PDE10A: variants seen among roughly 807,000 people sequenced by gnomAD.
PDE10A encodes the protein phosphodiesterase 10A.
Under a neutral mutation model 97.7 loss-of-function variants are expected in PDE10A, and 39 were observed. The ratio of observed to expected loss-of-function variants is 0.40; its 90% CI spans 0.31 to 0.52. The LOEUF (loss-of-function observed/expected upper bound fraction) is 0.52. Ranked by LOEUF, PDE10A falls within the 20% of genes least tolerant of loss-of-function variation. PDE10A has a pLI of 0.56. For synonymous variants in PDE10A, 371 were observed against 376.8 expected (o/e 0.98, Z 0.18); for missense variants, 731 against 1,047.8 (o/e 0.70, Z 4.17).
At chr6:165,972,980 C>T (rs1381693750) in intron 1 of PDE10A, among the ~76,000 whole-genome samples, 1 of 152,088 alleles carries the variant, frequency 6.6e-6, no homozygotes, top group African/African-American at 2.4e-5. Flanking sequence ...TTCTCCCCTT[C>T]CCCTCACCGT....
chr6:165,379,196 A>C lies in PDE10A; in HGVS notation c.2781T>G (p.His927Gln). 1 of 1,595,800 alleles carries C rather than the reference A, an allele frequency of 6.3e-7. No homozygotes were observed. The highest frequency in any genetic ancestry group is 8.5e-7 in the Non-Finnish European group (1 of 1,170,944). Residue 927 changes from histidine (H) to glutamine (Q), a missense_variant and splice_region_variant, in exon 18 of 22, where the codon CAT becomes CAG. His to Gln is a conservative substitution (Grantham distance 24). Around this residue, in one of 8 missense-constraint regions of PDE10A, gnomAD observed 96 missense variants for 156.7 expected, o/e 0.61. Coordinates refer to ENST00000539869, the MANE Select transcript of PDE10A (RefSeq NM_001385079.1). ...AAGCTTTTAAAAATTATTTTTACCTATGTGATTGATTATTAAGGTTTAGTG... is the reference window on the plus strand; with the variant it reads ...AAGCTTTTAAAAATTATTTTTACCTCTGTGATTGATTATTAAGGTTTAGTG... ...TGSLNLNNQS[H>Q]RDRVIGLMMT...
chr6:165,421,497 A>G (rs1583250736), intron 10 of PDE10A, among the ~76,000 whole-genome samples: 1 of 152,232 alleles, frequency 6.6e-6, no homozygotes, highest in Non-Finnish European at 1.5e-5. Context: ...AAACTTTAGT[A>G]AAATGGAATA....
intron 1 of PDE10A, among the ~76,000 whole-genome samples, chr6:165,905,409 ATC>A (rs1374323581): frequency 9.9e-5 from 15 of 152,272 alleles, no homozygotes; most frequent in African/African-American, 3.6e-4. Context: ...AAAAATCTCG[ATC>A]TTTTATATGT....
In PDE10A at chr6:165,819,965, C is replaced by T. The variant is rs1205876095; in HGVS notation, c.-615+167564G>A. ...ATTTTTCAAAATCTGTTGTTAAACT[C>T]CTTAAACTCAAGTTAGTAATATAAA... On this transcript the variant is annotated intron_variant, in intron 1 of 19. Transcript: ENST00000366882. This position sits in a 1 kb window ranked among gnomAD's most constrained non-coding sequence, Gnocchi z 4.2. Among the ~76,000 whole-genome samples the T allele has an allele frequency of 6.6e-6, 1 of 152,084 alleles. No homozygotes were observed. The highest frequency in any genetic ancestry group is 1.5e-5 in the Non-Finnish European group (1 of 68,022).
At chr6:165,363,237 C>T (rs1000777529) in intron 18 of PDE10A, among the ~76,000 whole-genome samples, 1 of 152,250 alleles carries the variant, frequency 6.6e-6, no homozygotes, top group Admixed American at 6.5e-5. Context: ...AAGAAATGGG[C>T]CAGGTGCCAT....
chr6:165,674,564 T>C (rs1291778490), intron 1 of PDE10A, among the ~76,000 whole-genome samples: 1 of 152,152 alleles, frequency 6.6e-6, no homozygotes, highest in African/African-American at 2.4e-5. Flanking sequence ...CTCCTGGTGT[T>C]TTTATGAGGA....
chr6:165,817,046 G>C (rs1779437434), intron 1 of PDE10A, among the ~76,000 whole-genome samples: 1 of 152,138 alleles, frequency 6.6e-6, no homozygotes, highest in Admixed American at 6.5e-5. Flanking sequence ...CAAAAACCTA[G>C]AGGAAAAAGC....
At chr6:165,668,752 AAAGGAAGG>A (rs982523358) in intron 1 of PDE10A, among the ~76,000 whole-genome samples, 2 of 125,668 alleles carry the variant, frequency 1.6e-5, no homozygotes, top group South Asian at 6.4e-4. Flanking sequence ...ACAGAAAGAG[AAAGGAAGG>A]AAGGAAGGTA....
chr6:165,586,185 T>C (rs1785902040), intron 1 of PDE10A, among the ~76,000 whole-genome samples: 1 of 152,206 alleles, frequency 6.6e-6, no homozygotes, highest in Admixed American at 6.5e-5. Flanking sequence ...GACCTGGGTC[T>C]CAGTCTTCCA....
At chr6:165,868,119 A>T (rs775805045) in intron 1 of PDE10A, among the ~76,000 whole-genome samples, 17 of 152,120 alleles carry the variant, frequency 1.1e-4, no homozygotes, top group Non-Finnish European at 2.1e-4. Context: ...TAACTAGAAA[A>T]GGAAGAACAA....
intron 1 of PDE10A, among the ~76,000 whole-genome samples, chr6:165,836,820 T>A (rs964015867): frequency 3.3e-5 from 5 of 151,996 alleles, no homozygotes; most frequent in African/African-American, 1.2e-4. Flanking sequence ...AATGATAGAC[T>A]GGATTAAGAA....
intron 1 of PDE10A, among the ~76,000 whole-genome samples, chr6:165,599,452 T>A (rs1025810326): frequency 1.8e-4 from 27 of 152,322 alleles, no homozygotes; most frequent in Non-Finnish European, 3.8e-4. Context: ...GTGTTAGTTT[T>A]CATTTTCTCA....
chr6:165,651,917 A>G (rs1789706142), intron 1 of PDE10A, among the ~76,000 whole-genome samples: 1 of 152,164 alleles, frequency 6.6e-6, no homozygotes, highest in African/African-American at 2.4e-5. Context: ...TGCTTCTCCT[A>G]AATGAAATGA....
At chr6:165,804,094 C>T (rs571410646) in intron 1 of PDE10A, among the ~76,000 whole-genome samples, 3 of 152,294 alleles carry the variant, frequency 2.0e-5, no homozygotes, top group African/African-American at 7.2e-5. Flanking sequence ...CGGGAAGGAA[C>T]CCGTCCTTAA....
chr6:165,851,373 C>G (rs1365842587), intron 1 of PDE10A, among the ~76,000 whole-genome samples: 1 of 152,196 alleles, frequency 6.6e-6, no homozygotes, highest in East Asian at 1.9e-4. Context: ...GAAAAAGATA[C>G]CTGGGGCCTT....
In PDE10A at chr6:165,449,235, G is replaced by A. The variant is rs541053683; in HGVS notation, c.1145-258C>T. Among the ~76,000 whole-genome samples the A allele has an allele frequency of 7.2e-5, 11 of 152,290 alleles. No homozygotes were observed. The South Asian group carries it at 1.7e-3, about 23-fold the overall frequency. The stretch of plus-strand genomic sequence containing the variant: ...CATATAGCAGTCAACGTACCACATA[G>A]TAACATATTTGTTGAACTTTATTCA... On this transcript the variant is annotated intron_variant, in intron 4 of 21. Transcript: ENST00000539869.
chr6:165,417,744 C>T (rs1213593283), intron 11 of PDE10A, among the ~76,000 whole-genome samples: 1 of 152,172 alleles, frequency 6.6e-6, no homozygotes, highest in Non-Finnish European at 1.5e-5. Context: ...CGCTGAGGGG[C>T]AGACAGTGGT....
chr6:165,435,757 AC>A (rs1425902253), intron 5 of PDE10A, among the ~76,000 whole-genome samples: 2 of 152,220 alleles, frequency 1.3e-5, no homozygotes, highest in Non-Finnish European at 2.9e-5. Context: ...GACACATGTT[AC>A]CTGAAGACAG....
At position 165,655,205 on chromosome 6, in the gene PDE10A, T is replaced by TC. The variant is rs1789879502; in HGVS notation, c.865+6741_865+6742insG. 0.011 allele frequency among the ~76,000 whole-genome samples: 2 copies of TC among 190 alleles called. No homozygotes were observed. The highest frequency in any genetic ancestry group is 0.02 in the Non-Finnish European group (2 of 98). The allele number at this position is 190 out of a possible 152,430, so 0.1% of individuals were successfully genotyped here. Reference sequence around the variant, plus strand: ...TCACTGAGGCATCTATATACTGTCCTTGGGGCATCCAATCCCATGATTTTA... The same window carrying TC: ...TCACTGAGGCATCTATATACTGTCCTCTGGGGCATCCAATCCCATGATTTTA... On this transcript the variant is annotated intron_variant, in intron 1 of 21. Coordinates refer to ENST00000539869, the MANE Select transcript of PDE10A (RefSeq NM_001385079.1). The surrounding 1 kb of genome is among the most constrained non-coding windows in gnomAD (Gnocchi z 4.5).
Sources: allele counts gnomAD v4.1 joint callset (sites outside exome capture counted in the v4.1 genomes callset), GRCh38; gene constraint gnomAD v4.1.1; regional missense constraint gnomAD v4.1.1; non-coding constraint Gnocchi (gnomAD v3.1); transcripts MANE v1.5; gene names NCBI Gene and HGNC (gene_info 2026-07-23, HGNC 2026-07-21).